UNC13C: variants seen among roughly 807,000 people sequenced by gnomAD.
UNC13C encodes protein unc-13 homolog C.
Under a neutral mutation model 245.4 loss-of-function variants are expected in UNC13C, and 174 were observed. That is an observed-to-expected ratio of 0.71 (90% CI 0.63 to 0.80). UNC13C has a LOEUF of 0.80. Ranked by LOEUF, UNC13C falls within the 30% of genes least tolerant of loss-of-function variation. UNC13C has a pLI of 0.00. For missense variants in UNC13C, 2,829 were observed against 2,602.9 expected (o/e 1.09, Z -1.89); for synonymous variants, 992 against 895.1 (o/e 1.11, Z -1.93).
chr15:54,403,321 T>G (rs774862209), intron 18 of UNC13C, among the ~76,000 whole-genome samples: 4 of 152,072 alleles, frequency 2.6e-5, no homozygotes, highest in Non-Finnish European at 4.4e-5. Context: ...CGGGTGGGTC[T>G]CTTGATCCTA....
chr15:54,415,174 T>A, intron 19 of UNC13C, 107 bp downstream of exon 19: 7 of 794,958 alleles, frequency 8.8e-6, no homozygotes, highest in African/African-American at 1.7e-5. Context: ...CACTGATTAC[T>A]GTGATCAGTT....
At chr15:54,098,779 GT>G (rs1900015584) in intron 2 of UNC13C, among the ~76,000 whole-genome samples, 1 of 152,154 alleles carries the variant, frequency 6.6e-6, no homozygotes, top group Admixed American at 6.5e-5. Flanking sequence ...GAAAGTCAGT[GT>G]TTTCTTTCTG....
At chr15:54,254,339 G>T (rs1329773734) in intron 8 of UNC13C, among the ~76,000 whole-genome samples, 1 of 152,178 alleles carries the variant, frequency 6.6e-6, no homozygotes, top group Non-Finnish European at 1.5e-5. Flanking sequence ...TAACTTAGAT[G>T]AACAGATGTG....
chr15:54,159,992 A>G (rs1259407542), intron 4 of UNC13C, among the ~76,000 whole-genome samples: 1 of 152,142 alleles, frequency 6.6e-6, no homozygotes, highest in African/African-American at 2.4e-5. Flanking sequence ...ATTAGAAGTC[A>G]GCAAAGGCAT....
intron 4 of UNC13C, among the ~76,000 whole-genome samples, chr15:54,216,074 A>T (rs936570148): frequency 6.6e-6 from 1 of 151,850 alleles, no homozygotes. Flanking sequence ...ATGAGAGAGG[A>T]TGTGAGGATG....
At chr15:54,238,956 T>C (rs2035780095) in intron 7 of UNC13C, among the ~76,000 whole-genome samples, 1 of 152,106 alleles carries the variant, frequency 6.6e-6, no homozygotes. Flanking sequence ...GTAGTTTGGG[T>C]GAAAGCGATT....
rs568119956 is a variant in UNC13C, at chr15:53,981,699, T to C, written c.-257+2772T>C. On this transcript the variant is annotated intron_variant, in intron 1 of 32. Coordinates refer to ENST00000260323, the MANE Select transcript of UNC13C (RefSeq NM_001080534.3). ...AAAAGACTGATCACCGGTTCTATAA[T>C]CTCTACAGAGAAAATGGATGCCACA... Among the ~76,000 whole-genome samples the C allele has an allele frequency of 2.0e-5, 3 of 152,290 alleles. No homozygotes were observed. The South Asian group carries it at 6.2e-4, about 32-fold the overall frequency.
intron 22 of UNC13C, among the ~76,000 whole-genome samples, chr15:54,504,627 T>G (rs1894383971): frequency 6.6e-6 from 1 of 152,222 alleles, no homozygotes; most frequent in African/African-American, 2.4e-5. Flanking sequence ...GGAGACCCTA[T>G]CTTATGTTGG....
At chr15:53,940,260 C>CCA in the UNC13C span, among the ~76,000 whole-genome samples, 1 of 151,858 alleles carries the variant, frequency 6.6e-6, no homozygotes, top group Non-Finnish European at 1.5e-5. Flanking sequence ...TTGTCCCTAA[C>CCA]CGTTGTCCCT....
intron 30 of UNC13C, among the ~76,000 whole-genome samples, chr15:54,586,242 C>T (rs1181000761): frequency 6.6e-6 from 1 of 152,216 alleles, no homozygotes; most frequent in Non-Finnish European, 1.5e-5. Flanking sequence ...TTACTTTTAA[C>T]ATGGAGAACA....
intron 19 of UNC13C, among the ~76,000 whole-genome samples, chr15:54,481,877 C>T (rs879486763): frequency 4.6e-5 from 7 of 152,066 alleles, no homozygotes; most frequent in Non-Finnish European, 1.0e-4. Flanking sequence ...GTATAGGCAG[C>T]AGTGGTGATG....
At chr15:53,878,115 C>A in the UNC13C span, among the ~76,000 whole-genome samples, 2 of 152,060 alleles carry the variant, frequency 1.3e-5, no homozygotes, top group Non-Finnish European at 2.9e-5. Flanking sequence ...TGGTTTGTCT[C>A]ATTTGTCTTC....
chr15:54,443,263 T>G (rs1320408301), intron 19 of UNC13C, among the ~76,000 whole-genome samples: 1 of 152,116 alleles, frequency 6.6e-6, no homozygotes, highest in East Asian at 1.9e-4. Context: ...ATAATGTCTC[T>G]TTTTTCAATT....
the UNC13C span, among the ~76,000 whole-genome samples, chr15:53,873,537 AT>A: frequency 1.3e-5 from 2 of 151,542 alleles, no homozygotes; most frequent in Non-Finnish European, 2.9e-5. Context: ...CCTCTTTTGG[AT>A]TTTTTTTCCT....
chr15:54,455,607 C>A (rs1469968315), intron 19 of UNC13C, among the ~76,000 whole-genome samples: 1 of 149,954 alleles, frequency 6.7e-6, no homozygotes, highest in African/African-American at 2.5e-5. Context: ...TTTCCCTGAT[C>A]ACTAGTAATT....
chr15:54,204,738 T>C (rs1223363372), intron 4 of UNC13C, among the ~76,000 whole-genome samples: 2 of 151,968 alleles, frequency 1.3e-5, no homozygotes, highest in African/African-American at 4.8e-5. Flanking sequence ...GACAGAGTCA[T>C]GTTGAGGAAA....
chr15:54,494,572 C>T, intron 19 of UNC13C, 36 bp from the exon 20 acceptor site: 1 of 1,502,402 alleles, frequency 6.7e-7, no homozygotes, highest in Non-Finnish European at 8.9e-7. Flanking sequence ...GTTGGCAAAC[C>T]AAGCTTTATT....
intron 2 of UNC13C, among the ~76,000 whole-genome samples, chr15:54,046,727 G>A (rs1485267907): frequency 6.6e-6 from 1 of 150,862 alleles, no homozygotes; most frequent in Non-Finnish European, 1.5e-5. Context: ...GCTTTTCATT[G>A]AAATATAACA....
intron 18 of UNC13C, among the ~76,000 whole-genome samples, chr15:54,397,797 T>G (rs1014729880): frequency 1.2e-4 from 18 of 151,402 alleles, no homozygotes; most frequent in African/African-American, 3.9e-4. Context: ...CATTCTTTGT[T>G]AATAGTACAT....
Sources: allele counts gnomAD v4.1 joint callset (sites outside exome capture counted in the v4.1 genomes callset), GRCh38; gene constraint gnomAD v4.1.1; transcripts MANE v1.5; gene names NCBI Gene and HGNC (gene_info 2026-07-23, HGNC 2026-07-21).